Variants in TMEM163 observed in about 807,000 individuals in gnomAD.
The protein encoded by TMEM163 is transmembrane protein 163.
A neutral mutation model predicts 29.3 loss-of-function variants in TMEM163; 17 were observed. The ratio of observed to expected loss-of-function variants is 0.58; its 90% confidence interval spans 0.40 to 0.87. TMEM163 has a LOEUF of 0.87. Ranked by LOEUF, TMEM163 falls within the 40% of genes least tolerant of loss-of-function variation. TMEM163 has a pLI of 0.00. For missense variants in TMEM163, 303 were observed against 381.5 expected, an observed-to-expected ratio of 0.79 and a Z score of 1.71; for synonymous variants, 157 against 160.6, an observed-to-expected ratio of 0.98 and a Z score of 0.17.
chr2:134,496,877 C>A (rs1054728429), intron 5 of TMEM163, among the ~76,000 whole-genome samples: 3 of 152,146 alleles, frequency 2.0e-5, no homozygotes, highest in Non-Finnish European at 4.4e-5. Flanking sequence ...TCCACGTAAA[C>A]AGGACACAAA....
chr2:134,558,988 A>G (rs1276899650), intron 2 of TMEM163, among the ~76,000 whole-genome samples: 6 of 152,168 alleles, frequency 3.9e-5, no homozygotes, highest in Admixed American at 3.9e-4. Context: ...TCCATCATCC[A>G]CAATACATAC....
At chr2:134,697,465 T>A (rs1684607595) in intron 2 of TMEM163, among the ~76,000 whole-genome samples, 1 of 76,350 alleles carries the variant, frequency 1.3e-5, no homozygotes, top group African/African-American at 1.1e-4. Flanking sequence ...TCTTCTCAAT[T>A]TTTTTTTTTT....
chr2:134,713,564 C>A, intron 1 of TMEM163: 1 of 635,164 alleles, frequency 1.6e-6, no homozygotes, highest in Non-Finnish European at 2.9e-6. Context: ...AGCAGCTGTC[C>A]TCTTTCGAAG....
rs185049850 is a variant in TMEM163 at position 134,641,641 on chromosome 2, C to T, written c.322+71559G>A. On this transcript the variant is annotated intron_variant, in intron 2 of 7. Transcript: ENST00000281924. ...GCACAATAATTAAATTAAAATGGAA[C>T]GCTAAAACACGTTCAAATAATTCAA... Among the ~76,000 whole-genome samples, 22 of 152,010 alleles carry T rather than the reference C, an allele frequency of 1.4e-4. No individual in the cohort carries two copies. The East Asian group carries it at 2.5e-3, about 17-fold the overall frequency.
intron 2 of TMEM163, among the ~76,000 whole-genome samples, chr2:134,615,885 G>T (rs1574283060): frequency 1.3e-5 from 2 of 152,084 alleles, no homozygotes; most frequent in Non-Finnish European, 2.9e-5. Flanking sequence ...TCAAACTCCT[G>T]ACATCAGGTG....
At chr2:134,568,629 AAAG>A (rs975992686) in intron 2 of TMEM163, among the ~76,000 whole-genome samples, 11 of 151,802 alleles carry the variant, frequency 7.2e-5, no homozygotes, top group East Asian at 5.8e-4. Context: ...AAGAAAAAAG[AAAG>A]AAGAAAAAGA....
intron 2 of TMEM163, among the ~76,000 whole-genome samples, chr2:134,702,306 A>G (rs1038541609): frequency 2.6e-5 from 4 of 152,238 alleles, no homozygotes; most frequent in African/African-American, 9.6e-5. Flanking sequence ...ATGGAAAAGT[A>G]TTTTTTAACC....
At chr2:134,541,772 G>A (rs554057845) in intron 4 of TMEM163, among the ~76,000 whole-genome samples, 1 of 149,990 alleles carries the variant, frequency 6.7e-6, no homozygotes, top group Non-Finnish European at 1.5e-5. Context: ...GTACACACGT[G>A]CACACACACA....
intron 4 of TMEM163, among the ~76,000 whole-genome samples, chr2:134,517,292 T>G (rs576685840): frequency 6.6e-6 from 1 of 152,136 alleles, no homozygotes; most frequent in African/African-American, 2.4e-5. Flanking sequence ...TGCTTTTCCT[T>G]GACACTGCCC....
chr2:134,677,798 G>A (rs1684147974), intron 2 of TMEM163, among the ~76,000 whole-genome samples: 1 of 152,142 alleles, frequency 6.6e-6, no homozygotes, highest in Non-Finnish European at 1.5e-5. Context: ...TGTAATCTTT[G>A]TCTTCTTAAA....
chr2:134,553,873 G>C (rs994064831), intron 2 of TMEM163, among the ~76,000 whole-genome samples: 2 of 152,210 alleles, frequency 1.3e-5, no homozygotes, highest in Non-Finnish European at 2.9e-5. Context: ...AAAAAAAGCA[G>C]CTGATCCCTG....
chr2:134,707,554 C>T (rs1684841541), intron 2 of TMEM163, among the ~76,000 whole-genome samples: 1 of 152,004 alleles, frequency 6.6e-6, no homozygotes, highest in Admixed American at 6.6e-5. Flanking sequence ...GTCAGCTGCA[C>T]GGTTAAGGCT....
Position 134,589,516 on chromosome 2 carries a change from A to T in TMEM163, c.323-37425T>A, listed in dbSNP as rs187479627. Among the ~76,000 whole-genome samples the T allele has an allele frequency of 3.9e-5, 6 of 152,262 alleles. No homozygotes were observed. In the East Asian group the frequency reaches 7.7e-4, roughly 20 times the overall value. On this transcript the variant is annotated intron_variant, in intron 2 of 7. Transcript: ENST00000281924. ...ACTAATTATAATGTTTTAGTATGCT[A>T]AAAGACACTCCCACCAGCACCATGA...
At chr2:134,513,399 C>A (rs1679991072) in intron 4 of TMEM163, among the ~76,000 whole-genome samples, 1 of 152,090 alleles carries the variant, frequency 6.6e-6, no homozygotes, top group South Asian at 2.1e-4. Flanking sequence ...CTTTCAAAGC[C>A]AAGTAGATTC....
At chr2:134,644,285 A>G (rs1683284676) in intron 2 of TMEM163, among the ~76,000 whole-genome samples, 1 of 152,142 alleles carries the variant, frequency 6.6e-6, no homozygotes, top group East Asian at 1.9e-4. Flanking sequence ...AGGGAAAGCC[A>G]ACGGAACTAG....
intron 4 of TMEM163, 125 bp downstream of exon 4, chr2:134,550,445 C>A: frequency 1.2e-6 from 1 of 836,994 alleles, no homozygotes; most frequent in East Asian, 2.6e-5. Context: ...CTCTCAGAAG[C>A]AACCTGGGGA....
chr2:134,715,032 CAGG>C (rs769413231), intron 1 of TMEM163, among the ~76,000 whole-genome samples: 5 of 152,156 alleles, frequency 3.3e-5, no homozygotes, highest in Non-Finnish European at 5.9e-5. Context: ...AATTGATTTT[CAGG>C]AGAAGTGAAG....
intron 2 of TMEM163, among the ~76,000 whole-genome samples, chr2:134,563,316 C>T (rs1459123293): frequency 6.6e-6 from 1 of 152,214 alleles, no homozygotes. Flanking sequence ...CTGCCTGCTG[C>T]TCCCTGCATG....
At chr2:134,485,449 C>T (rs1321417486) in intron 5 of TMEM163, among the ~76,000 whole-genome samples, 1 of 152,162 alleles carries the variant, frequency 6.6e-6, no homozygotes, top group East Asian at 1.9e-4. Flanking sequence ...GATTTAGAAA[C>T]GTATTACAAG....
Sources: gnomAD v4.1 joint callset for allele counts (sites outside exome capture counted in the v4.1 genomes callset) on GRCh38, gnomAD v4.1.1 for gene constraint, MANE v1.5 for transcripts, NCBI Gene and HGNC (gene_info 2026-07-23, HGNC 2026-07-21) for gene names.